The following HAAO variants were observed in gnomAD, a reference collection of about 807,000 sequenced individuals.
HAAO encodes the protein 3-hydroxyanthranilate 3,4-dioxygenase, also known as 3-hydroxyanthranilate oxygenase.
HAAO carries 49 observed loss-of-function variants against 46.2 expected under a neutral mutation model. The ratio of observed to expected loss-of-function variants is 1.06; its 90% CI spans 0.84 to 1.34. The LOEUF is 1.34. HAAO is among the 40% of genes most tolerant of loss of function. The probability of loss-of-function intolerance (pLI) is 0.00; values close to 1 mark genes in which losing one functional copy is unlikely to be tolerated. For synonymous variants in HAAO, 157 were observed against 145.2 expected (o/e 1.08, Z -0.58); for missense variants, 408 against 364.5 (o/e 1.12, Z -0.97).
chr2:42,790,309 A>G (rs1477135987), intron 1 of HAAO, among the ~76,000 whole-genome samples: 3 of 152,186 alleles, frequency 2.0e-5, no homozygotes, highest in Admixed American at 6.5e-5. Context: ...TGAACAGTCC[A>G]TGCTTAAAGA....
chr2:42,783,521 A>C (rs1469762564), intron 3 of HAAO, 101 bp from the exon 4 acceptor site: 5 of 766,996 alleles, frequency 6.5e-6, no homozygotes, highest in Non-Finnish European at 1.1e-5. Context: ...CCCGGGCAGC[A>C]AAGGGGTACT....
At chr2:42,773,958 C>G (rs1239224671) in intron 4 of HAAO, among the ~76,000 whole-genome samples, 2 of 152,218 alleles carry the variant, frequency 1.3e-5, no homozygotes, top group African/African-American at 2.4e-5. Flanking sequence ...ATTGCCTCCT[C>G]TGGAGAGACT....
At chr2:42,779,851 A>C (rs1671857894) in intron 4 of HAAO, among the ~76,000 whole-genome samples, 1 of 152,238 alleles carries the variant, frequency 6.6e-6, no homozygotes, top group African/African-American at 2.4e-5. Flanking sequence ...GGTTCCCTAA[A>C]GTCCCAAAAT....
chr2:42,792,509 A>G lies in HAAO; in HGVS notation c.28T>C (p.Trp10Arg). ...AAGGAGCCCCGGTTCTCCTTCACCC[A>G]GGCCCTCACTCCCAGGCGGCGCTCC... is the stretch of plus-strand genomic sequence containing the variant. MERRLGVRA[W>R]VKENRGSFQP... Residue 10 changes from tryptophan to arginine, a missense_variant, in exon 1 of 10, where the codon TGG becomes CGG. Transcript: ENST00000294973. 1 of 1,593,230 alleles carries G rather than the reference A, an allele frequency of 6.3e-7. No individual in the cohort carries two copies.
At chr2:42,784,403 C>G (rs187166116) in intron 2 of HAAO, among the ~76,000 whole-genome samples, 113 of 151,882 alleles carry the variant, frequency 7.4e-4, no homozygotes, top group African/African-American at 2.6e-3. Flanking sequence ...GCTCTGGAGC[C>G]ACTGGCCAGA....
chr2:42,773,591 T>TC (rs1214306896), intron 4 of HAAO, among the ~76,000 whole-genome samples: 1 of 150,330 alleles, frequency 6.7e-6, no homozygotes, highest in Non-Finnish European at 1.5e-5. Flanking sequence ...CTATTTTTTT[T>TC]TTTTTTTTTT....
intron 2 of HAAO, among the ~76,000 whole-genome samples, chr2:42,784,247 C>G (rs977176987): frequency 1.3e-5 from 2 of 152,290 alleles, no homozygotes; most frequent in South Asian, 4.1e-4. Context: ...GAAACCTTCA[C>G]AGCAACCTCC....
In HAAO at chr2:42,768,233, C is replaced by T. The variant is rs978411059; in HGVS notation, c.631-305G>A. 5.3e-5 allele frequency among the ~76,000 whole-genome samples: 8 copies of T among 152,212 alleles called. No homozygotes were observed. The South Asian group carries it at 1.4e-3, about 28-fold the overall frequency. ...CATGCTCACCAGGGCACATGAGGGACGCATTTCCATCAGCTTCCCAGAGGG... is the reference window on the plus strand; with the variant it reads ...CATGCTCACCAGGGCACATGAGGGATGCATTTCCATCAGCTTCCCAGAGGG... On this transcript the variant is annotated intron_variant, in intron 7 of 9. Coordinates refer to ENST00000294973, the MANE Select transcript of HAAO (RefSeq NM_012205.3).
chr2:42,774,786 TTTGTTG>T (rs150872395), intron 4 of HAAO, among the ~76,000 whole-genome samples: 3 of 151,782 alleles, frequency 2.0e-5, no homozygotes, highest in Admixed American at 2.0e-4. Flanking sequence ...TGCTTCACTG[TTTGTTG>T]TTGTTGTTGC....
At chr2:42,788,010 C>T (rs752491897) in intron 2 of HAAO, among the ~76,000 whole-genome samples, 22 of 152,256 alleles carry the variant, frequency 1.4e-4, no homozygotes, top group Non-Finnish European at 2.5e-4. Context: ...TGCCCCAACT[C>T]CTCCTTCAGC....
chr2:42,781,443 C>T (rs1671990699), intron 4 of HAAO, among the ~76,000 whole-genome samples: 1 of 152,140 alleles, frequency 6.6e-6, no homozygotes, highest in South Asian at 2.1e-4. Flanking sequence ...CTTGGAACCT[C>T]AAGAAGATCA....
intron 4 of HAAO, among the ~76,000 whole-genome samples, chr2:42,780,778 A>G (rs1054597314): frequency 3.3e-5 from 5 of 151,656 alleles, no homozygotes; most frequent in African/African-American, 9.7e-5. Flanking sequence ...TAACAATTTA[A>G]TACTCCCGGC....
Position 42,767,688 on chromosome 2 carries a change from G to C in HAAO, c.700-11C>G. ...CACCGAGGAGCCCTCCTGGAGAAGA[G>C]GAGCAGGAGAATCAAATGGAGACTG... On this transcript the variant is annotated splice_polypyrimidine_tract_variant and intron_variant, in intron 8 of 9. Transcript: ENST00000294973. The C allele has an allele frequency of 6.4e-7, 1 of 1,570,396 alleles. No individual in the cohort carries two copies. The highest frequency in any genetic ancestry group is 8.7e-7 in the Non-Finnish European group (1 of 1,155,596).
intron 1 of HAAO, among the ~76,000 whole-genome samples, chr2:42,790,521 C>T (rs1185548008): frequency 2.5e-5 from 2 of 80,186 alleles, no homozygotes; most frequent in Non-Finnish European, 4.5e-5. Flanking sequence ...GCTGGGGAAC[C>T]TGGAAAGTTT....
At chr2:42,778,126 TA>T (rs372831587) in intron 4 of HAAO, among the ~76,000 whole-genome samples, 18 of 149,862 alleles carry the variant, frequency 1.2e-4, no homozygotes, top group African/African-American at 3.2e-4. Flanking sequence ...AGGATTTATT[TA>T]AAAAAAAAAC....
chr2:42,783,683 T>C (rs1422447622), intron 3 of HAAO, 101 bp downstream of exon 3: 2 of 999,702 alleles, frequency 2.0e-6, no homozygotes, highest in Admixed American at 2.0e-5. Context: ...CAGGAAAAGG[T>C]AGGGAGGACA....
rs528932439 is a variant in HAAO at position 42,770,009 on chromosome 2, G to A, written c.484+134C>T. On this transcript the variant is annotated intron_variant, in intron 6 of 9. Coordinates refer to ENST00000294973, the MANE Select transcript of HAAO (RefSeq NM_012205.3). ...AAGCAGCCATGTGGGAGGTACCATT[G>A]GCTGCCATCTTCTTAGTACCTTGAG... The A allele has an allele frequency of 2.7e-5, 30 of 1,120,494 alleles. 1 individual carries two copies. In the South Asian group the frequency reaches 4.2e-4, roughly 16 times the overall value. The allele number at this position is 1,120,494 out of a possible 1,614,324, so 69.4% of individuals were successfully genotyped here. A position where few individuals can be genotyped will look rare whatever the true frequency, so the allele number is the denominator to read the frequency against.
Position 42,767,329 on chromosome 2 carries a change from C to T in HAAO, c.*108G>A, listed in dbSNP as rs1670735557. 2.6e-6 allele frequency: 2 copies of T among 769,782 alleles called. No individual in the cohort carries two copies. Among genetic ancestry groups the T allele is most frequent in the East Asian group, 2.6e-5 (1 of 37,882 alleles). 47.7% of individuals were successfully genotyped at this position (769,782 alleles called of 1,614,324 possible). On this transcript the variant is annotated 3_prime_UTR_variant, in exon 10 of 10. Coordinates refer to ENST00000294973, the MANE Select transcript of HAAO (RefSeq NM_012205.3). ...ACAATGTGCAGGTCTGTGGGGGACA[C>T]AGCGGCAGTACACAGAGAGGTAGTG...
intron 7 of HAAO, among the ~76,000 whole-genome samples, chr2:42,769,270 G>A (rs935123770): frequency 1.3e-5 from 2 of 152,180 alleles, no homozygotes; most frequent in Non-Finnish European, 2.9e-5. Context: ...TGGAATGAAA[G>A]AAAGTCAGCC....
Sources: gnomAD v4.1 joint callset for allele counts (sites outside exome capture counted in the v4.1 genomes callset) on GRCh38, gnomAD v4.1.1 for gene constraint, MANE v1.5 for transcripts, NCBI Gene and HGNC (gene_info 2026-07-23, HGNC 2026-07-21) for gene names.